The following CENPQ variants were observed in gnomAD, a reference collection of about 807,000 sequenced individuals.
CENPQ encodes chromosome 6 open reading frame 139.
CENPQ carries 27 observed loss-of-function variants against 36.6 expected under a neutral mutation model. That is an observed-to-expected ratio of 0.74 (90% CI 0.54 to 1.02). The LOEUF (loss-of-function observed/expected upper bound fraction) is 1.02, where lower values mean the gene tolerates loss of function less well. CENPQ is among the 50% of genes least tolerant of loss of function. CENPQ has a pLI of 0.00. For missense variants in CENPQ, 306 were observed against 301.8 expected, an observed-to-expected ratio of 1.01 and a Z score of -0.10; for synonymous variants, 101 against 101.7, an observed-to-expected ratio of 0.99 and a Z score of 0.04.
chr6:49,480,078 A>G (rs1768392262), intron 5 of CENPQ, among the ~76,000 whole-genome samples: 1 of 152,188 alleles, frequency 6.6e-6, no homozygotes, highest in South Asian at 2.1e-4. Context: ...TAACCTGCAT[A>G]TGTATTCCTG....
At chr6:49,490,740 C>A (rs908733963) in intron 8 of CENPQ, among the ~76,000 whole-genome samples, 1 of 152,044 alleles carries the variant, frequency 6.6e-6, no homozygotes, top group Admixed American at 6.6e-5. Context: ...TATTAACTGG[C>A]CTAATTTCAA....
chr6:49,463,667 TC>T (rs1342743555), intron 1 of CENPQ, among the ~76,000 whole-genome samples: 4 of 152,150 alleles, frequency 2.6e-5, no homozygotes, highest in African/African-American at 9.7e-5. Flanking sequence ...CATGAATACT[TC>T]CTATTTCTCC....
intron 6 of CENPQ, among the ~76,000 whole-genome samples, chr6:49,487,929 A>G (rs1768629663): frequency 6.6e-6 from 1 of 152,092 alleles, no homozygotes; most frequent in Non-Finnish European, 1.5e-5. Flanking sequence ...TTAAAATAGC[A>G]GGCTCTTAAA....
intron 5 of CENPQ, among the ~76,000 whole-genome samples, chr6:49,475,081 A>G (rs1768251086): frequency 6.6e-6 from 1 of 152,218 alleles, no homozygotes; most frequent in Admixed American, 6.5e-5. Flanking sequence ...CAGAGATACA[A>G]GGAGGAGCTG....
chr6:49,472,751 A>G, intron 4 of CENPQ, 39 bp from the exon 5 acceptor site: 5 of 1,387,450 alleles, frequency 3.6e-6, no homozygotes, highest in South Asian at 1.5e-5. Flanking sequence ...TGATTTGTGC[A>G]TCAGACTACT....
chr6:49,488,645 G>C lies in CENPQ; in HGVS notation c.636G>C (p.Pro212=). The C allele has an allele frequency of 6.2e-7, 1 of 1,613,458 alleles. No homozygotes were observed. The highest frequency in any genetic ancestry group is 1.1e-5 in the South Asian group (1 of 91,060). ...ATAGTAGTGGAGTACTCTCTCTTCCGGAACTTTCTCAGAAAACTCTCAAAG... is the reference window on the plus strand; with the variant it reads ...ATAGTAGTGGAGTACTCTCTCTTCCCGAACTTTCTCAGAAAACTCTCAAAG... ...QINSSGVLSL[P]ELSQKTLKAP... is the part of the protein sequence containing the mutation. The change falls in exon 8 of 9, where the codon CCG becomes CCC. Residue 212 remains proline, a synonymous_variant. Transcript: ENST00000335783.
At chr6:49,470,577 G>GT (rs1449926557) in intron 2 of CENPQ, among the ~76,000 whole-genome samples, 1 of 141,122 alleles carries the variant, frequency 7.1e-6, no homozygotes, top group Non-Finnish European at 1.5e-5. Context: ...AACCGAGTTT[G>GT]TGCCACTGCA....
intron 5 of CENPQ, among the ~76,000 whole-genome samples, chr6:49,473,753 T>G (rs1317839428): frequency 6.6e-6 from 1 of 152,016 alleles, no homozygotes; most frequent in Non-Finnish European, 1.5e-5. Context: ...AACCCATCAG[T>G]GTGCTGTATT....
At chr6:49,477,219 A>C (rs571105223) in intron 5 of CENPQ, among the ~76,000 whole-genome samples, 265 of 152,214 alleles carry the variant, frequency 1.7e-3, no homozygotes, top group African/African-American at 5.6e-3. Context: ...GCACATATAC[A>C]CCATGGAATA....
intron 1 of CENPQ, among the ~76,000 whole-genome samples, chr6:49,468,380 G>A (rs1768052567): frequency 1.3e-5 from 2 of 152,112 alleles, no homozygotes; most frequent in East Asian, 3.9e-4. Flanking sequence ...ATCACTTGAG[G>A]TCAGGAGTTC....
chr6:49,476,789 C>T (rs1294447942), intron 5 of CENPQ, among the ~76,000 whole-genome samples: 3 of 152,156 alleles, frequency 2.0e-5, no homozygotes, highest in African/African-American at 4.8e-5. Flanking sequence ...CAAAAGAAGA[C>T]ATTTATGCAG....
Position 49,485,760 on chromosome 6 carries a change from GA to G in CENPQ, c.478-2588del, listed in dbSNP as rs971836776. 3.9e-4 allele frequency among the ~76,000 whole-genome samples: 59 copies of G among 149,716 alleles called. 1 individual carries two copies. Among genetic ancestry groups the G allele is most frequent in the Non-Finnish European group, 1.5e-5 (1 of 67,468 alleles). ...GCTTATGGTAAATAGAAGATAAAGA[GA>G]AAATTTTCAGAATCATAAAAACATT... On this transcript the variant is annotated intron_variant, in intron 6 of 8. Coordinates refer to ENST00000335783, the MANE Select transcript of CENPQ (RefSeq NM_018132.4).
intron 5 of CENPQ, among the ~76,000 whole-genome samples, chr6:49,479,414 A>C (rs902270270): frequency 6.6e-6 from 1 of 152,204 alleles, no homozygotes; most frequent in Non-Finnish European, 1.5e-5. Context: ...GAGAAATGCA[A>C]ATGAAAACCA....
At chr6:49,488,721 T>G (rs1768650303) in intron 8 of CENPQ, 37 bp downstream of exon 8, 2 of 1,516,346 alleles carry the variant, frequency 1.3e-6, no homozygotes, top group Admixed American at 3.4e-5. Context: ...ACAGGCATAC[T>G]TTAGAGATGT....
At chr6:49,473,263 A>G (rs970075278) in intron 5 of CENPQ, among the ~76,000 whole-genome samples, 3 of 152,190 alleles carry the variant, frequency 2.0e-5, no homozygotes, top group East Asian at 1.9e-4. Flanking sequence ...CATGAGCAAC[A>G]AGTATAATTT....
At chr6:49,474,758 C>T (rs1311709802) in intron 5 of CENPQ, among the ~76,000 whole-genome samples, 1 of 151,852 alleles carries the variant, frequency 6.6e-6, no homozygotes, top group Non-Finnish European at 1.5e-5. Flanking sequence ...ATTGATAGAC[C>T]ACTAGCAAGA....
At chr6:49,464,092 A>C (rs1188842051) in intron 1 of CENPQ, among the ~76,000 whole-genome samples, 1 of 152,038 alleles carries the variant, frequency 6.6e-6, no homozygotes, top group Non-Finnish European at 1.5e-5. Flanking sequence ...AATATTTCAA[A>C]ATGTTATTAG....
At position 49,493,039 on chromosome 6, in the gene CENPQ, A is replaced by T. The variant is rs1237222551; in HGVS notation, c.*764A>T. The T allele has an allele frequency of 6.8e-6, 1 of 147,394 alleles. No individual in the cohort carries two copies. The allele number at this position is 147,394 out of a possible 1,614,324, so 9.1% of individuals were successfully genotyped here. On this transcript the variant is annotated 3_prime_UTR_variant, in exon 9 of 9. Transcript: ENST00000335783. ...TATAAAAAATTATTTCTAACAAACT[A>T]CAGTATACTGTCTTGGGTTTTTTTT...
intron 8 of CENPQ, among the ~76,000 whole-genome samples, 195 bp from the exon 9 acceptor site, chr6:49,491,949 A>G (rs1302650423): frequency 6.6e-6 from 1 of 152,112 alleles, no homozygotes. Flanking sequence ...AACAAATCCT[A>G]TCATTTACCA....
Sources: gnomAD v4.1 joint callset for allele counts (sites outside exome capture counted in the v4.1 genomes callset) on GRCh38, gnomAD v4.1.1 for gene constraint, MANE v1.5 for transcripts, NCBI Gene and HGNC (gene_info 2026-07-23, HGNC 2026-07-21) for gene names.